The following TBCD variants were observed in gnomAD, a reference collection of about 807,000 sequenced individuals.
TBCD encodes the protein tubulin folding cofactor D.
Under a neutral mutation model 169.3 loss-of-function variants are expected in TBCD, and 105 were observed. The ratio of observed to expected loss-of-function variants is 0.62; its 90% CI spans 0.53 to 0.73. TBCD has a LOEUF of 0.73. TBCD is among the 30% of genes least tolerant of loss of function. TBCD has a pLI of 0.00. For missense variants in TBCD, 1,444 were observed against 1,600.1 expected (o/e 0.90, Z 1.66); for synonymous variants, 700 against 643.9 (o/e 1.09, Z -1.32).
intron 2 of TBCD, among the ~76,000 whole-genome samples, chr17:82,758,412 TA>T (rs2047555486): frequency 2.3e-4 from 21 of 91,566 alleles, no homozygotes; most frequent in Non-Finnish European, 3.1e-4. Flanking sequence ...AATAAATAAA[TA>T]AATAAATTTT....
rs373910810 is a variant in TBCD, at chr17:82,759,040, G to A, written c.235+2825G>A. ...CGTGTTTGTTTTTTTAAAGAGATGG[G>A]ATCTCGCTCTGTCACCCAGGCTGGA... On this transcript the variant is annotated intron_variant, in intron 2 of 38. Transcript: ENST00000355528. Among the ~76,000 whole-genome samples the A allele has an allele frequency of 8.6e-5, 13 of 152,040 alleles. No individual in the cohort carries two copies. In the East Asian group the frequency reaches 2.1e-3, roughly 25 times the overall value.
In TBCD at chr17:82,828,357, C is replaced by T. The variant is rs141214158; in HGVS notation, c.1318+13423C>T. Among the ~76,000 whole-genome samples the T allele has an allele frequency of 2.1e-5, 3 of 142,190 alleles. No individual in the cohort carries two copies. The East Asian group carries it at 6.5e-4, about 31-fold the overall frequency. The allele number at this position is 142,190 out of a possible 152,430, so 93.3% of individuals were successfully genotyped here. A position where few individuals can be genotyped will look rare whatever the true frequency, so the allele number is the denominator to read the frequency against. On this transcript the variant is annotated intron_variant, in intron 13 of 38. Coordinates refer to ENST00000355528, the MANE Select transcript of TBCD (RefSeq NM_005993.5). ...ACCCATAGATATGCGCACGTGGACA[C>T]CCACACGATTGAATGTGCACTCACA...
At chr17:82,929,815 G>T in intron 32 of TBCD, 1 of 502,978 alleles carries the variant, frequency 2.0e-6, no homozygotes, top group African/African-American at 1.9e-5. Context: ...CCTGCATGTG[G>T]GTACCTGGGC....
At chr17:82,803,416 G>C (rs951378602) in intron 9 of TBCD, among the ~76,000 whole-genome samples, 1 of 152,222 alleles carries the variant, frequency 6.6e-6, no homozygotes, top group African/African-American at 2.4e-5. Flanking sequence ...TGACAGGTGC[G>C]TCTGAGTCTC....
At chr17:82,807,085 G>T (rs1415533559) in intron 10 of TBCD, among the ~76,000 whole-genome samples, 3 of 152,110 alleles carry the variant, frequency 2.0e-5, no homozygotes, top group Non-Finnish European at 4.4e-5. Context: ...GGGCTGCTTG[G>T]TGCCCACAGG....
intron 13 of TBCD, among the ~76,000 whole-genome samples, chr17:82,826,262 T>G (rs1480609290): frequency 6.6e-6 from 1 of 152,126 alleles, no homozygotes; most frequent in Non-Finnish European, 1.5e-5. Flanking sequence ...CTTTTAAGTT[T>G]TAAGGTGCTA....
At chr17:82,802,958 C>T (rs967093266) in intron 9 of TBCD, among the ~76,000 whole-genome samples, 22 of 152,280 alleles carry the variant, frequency 1.4e-4, no homozygotes, top group Non-Finnish European at 3.2e-4. Flanking sequence ...ATACACTTCA[C>T]GTAATTCTAA....
At chr17:82,821,239 T>C (rs1258234184) in intron 13 of TBCD, among the ~76,000 whole-genome samples, 2 of 152,266 alleles carry the variant, frequency 1.3e-5, no homozygotes, top group Non-Finnish European at 2.9e-5. Context: ...GCCCAGCCTG[T>C]TTTTATAATT....
chr17:82,766,513 C>T (rs1383972218), intron 4 of TBCD, 145 bp downstream of exon 4: 1 of 563,672 alleles, frequency 1.8e-6, no homozygotes, highest in Non-Finnish European at 3.1e-6. Flanking sequence ...TCTTTCTTTT[C>T]TTTTCACTTT....
chr17:82,821,428 C>A (rs1386707437), intron 13 of TBCD, among the ~76,000 whole-genome samples: 1 of 152,186 alleles, frequency 6.6e-6, no homozygotes, highest in Non-Finnish European at 1.5e-5. Flanking sequence ...AGGAAGAAAT[C>A]TTTGCATATG....
rs3841647 is a variant in TBCD, at chr17:82,909,508, GC to G, written c.2006+204del. On this transcript the variant is annotated intron_variant, in intron 22 of 38. Coordinates refer to ENST00000355528, the MANE Select transcript of TBCD (RefSeq NM_005993.5). ...GATTGGGTTGAGTGGGTGTCACCTGGCCCACTGTGGGAGGTGCATGAGGGTC... is the reference window on the plus strand; with the variant it reads ...GATTGGGTTGAGTGGGTGTCACCTGGCCACTGTGGGAGGTGCATGAGGGTC... 0.19 allele frequency among the ~76,000 whole-genome samples: 23,716 copies of G among 125,476 alleles called. 3,975 individuals are homozygous for G. Among genetic ancestry groups the G allele is most frequent in the Middle Eastern group, 0.27 (64 of 234 alleles). The allele number at this position is 125,476 out of a possible 152,430, so 82.3% of individuals were successfully genotyped here. A position where few individuals can be genotyped will look rare whatever the true frequency, so the allele number is the denominator to read the frequency against.
intron 2 of TBCD, among the ~76,000 whole-genome samples, chr17:82,758,081 T>A (rs2047499719): frequency 6.6e-6 from 1 of 152,096 alleles, no homozygotes. Flanking sequence ...TTAGAGTTAT[T>A]TTCTTTCTTT....
At position 82,890,696 on chromosome 17, in the gene TBCD, A is replaced by G. The variant is rs1052215343; in HGVS notation, c.1563+999A>G. Among the ~76,000 whole-genome samples, 1 of 152,052 alleles carries G rather than the reference A, an allele frequency of 6.6e-6. No individual in the cohort carries two copies. The highest frequency in any genetic ancestry group is 2.4e-5 in the African/African-American group (1 of 41,384). ...GGCGTGACTACTTCTTGCTGGCCCG[A>G]GGCAGCCGAGGCCCACCCAGCATCC... is the stretch of plus-strand genomic sequence containing the variant. On this transcript the variant is annotated intron_variant, in intron 16 of 38. Coordinates refer to ENST00000355528, the MANE Select transcript of TBCD (RefSeq NM_005993.5). The surrounding 1 kb of genome is among the most constrained non-coding windows in gnomAD (Gnocchi z 5.3).
intron 7 of TBCD, among the ~76,000 whole-genome samples, chr17:82,796,725 G>GC (rs1459691554): frequency 1.3e-5 from 2 of 152,188 alleles, no homozygotes; most frequent in Non-Finnish European, 2.9e-5. Flanking sequence ...GCTTAGGAGA[G>GC]CCCCCCAGCG....
rs1308477082 is a variant in TBCD, at chr17:82,874,092, G to T, written c.1475+3712G>T. ...TCGTGGTCTGCCCAGCTGGGTGTGGGGTTGAGCCCATCATGCTGTGGGGTG... is the reference window on the plus strand; with the variant it reads ...TCGTGGTCTGCCCAGCTGGGTGTGGTGTTGAGCCCATCATGCTGTGGGGTG... On this transcript the variant is annotated intron_variant, in intron 14 of 38. Transcript: ENST00000355528. The surrounding 1 kb of genome is among the most constrained non-coding windows in gnomAD (Gnocchi z 5.0). Among the ~76,000 whole-genome samples, 2 of 152,208 alleles carry T rather than the reference G, an allele frequency of 1.3e-5. No individual in the cohort carries two copies. Among genetic ancestry groups the T allele is most frequent in the Non-Finnish European group, 2.9e-5 (2 of 68,036 alleles).
chr17:82,910,949 T>G (rs1374952379), intron 22 of TBCD, among the ~76,000 whole-genome samples: 1 of 152,174 alleles, frequency 6.6e-6, no homozygotes, highest in Non-Finnish European at 1.5e-5. Context: ...AGCCTCCCTT[T>G]CTGCCTCCTA....
At chr17:82,764,207 T>C in intron 3 of TBCD, 145 bp downstream of exon 3, 2 of 672,604 alleles carry the variant, frequency 3.0e-6, no homozygotes, top group Middle Eastern at 4.0e-4. Flanking sequence ...TTACTGTATG[T>C]TGGGGATCAG....
At chr17:82,872,277 C>T (rs74000127) in intron 14 of TBCD, among the ~76,000 whole-genome samples, 5,335 of 152,278 alleles carry the variant, frequency 0.035, 331 homozygotes, top group African/African-American at 0.12. Flanking sequence ...TGCTGGCCAA[C>T]GTGTTATGGA....
rs536111849 is a variant in TBCD, at chr17:82,813,285, C to G, written c.1224-1555C>G. ...TTACCCGCCTCCTCTCTCTCTCTCT[C>G]TCTTCCTCTCCCGCTCATCCGCCCA... is the stretch of plus-strand genomic sequence containing the variant. On this transcript the variant is annotated intron_variant, in intron 12 of 38. Transcript: ENST00000355528. 1.4e-3 allele frequency among the ~76,000 whole-genome samples: 208 copies of G among 152,346 alleles called. 1 individual carries two copies. Among genetic ancestry groups the G allele is most frequent in the African/African-American group, 4.7e-3 (197 of 41,578 alleles).
Sources: gnomAD v4.1 joint callset for allele counts (sites outside exome capture counted in the v4.1 genomes callset) on GRCh38, gnomAD v4.1.1 for gene constraint, Gnocchi (gnomAD v3.1) non-coding constraint, MANE v1.5 for transcripts, NCBI Gene and HGNC (gene_info 2026-07-23, HGNC 2026-07-21) for gene names.